AGT: variants seen among roughly 807,000 people sequenced by gnomAD.
The protein encoded by AGT is angiotensinogen.
In AGT, 26 loss-of-function variants were observed where a neutral mutation model predicts 28.1. That is an observed-to-expected ratio of 0.92 (90% CI 0.68 to 1.28). AGT has a LOEUF of 1.28. Among genes scored for constraint, AGT ranks in the 50% most tolerant of loss-of-function variants. The probability of loss-of-function intolerance (pLI) is 0.00; values close to 1 mark genes in which losing one functional copy is unlikely to be tolerated. For missense variants in AGT, 596 were observed against 592.3 expected, an observed-to-expected ratio of 1.01 and a Z score of -0.06; for synonymous variants, 259 against 259.6, an observed-to-expected ratio of 1.00 and a Z score of 0.02.
chr1:230,718,114 T>C (rs540543392), upstream of AGT, among the ~76,000 whole-genome samples: 1 of 152,242 alleles, frequency 6.6e-6, no homozygotes, highest in Admixed American at 6.5e-5. Flanking sequence ...AATTTTTTTA[T>C]TTTTATTTTT....
At position 230,709,267 on chromosome 1, in the gene AGT, G is replaced by T. The variant is rs962404869; in HGVS notation, c.829+728C>A. Among the ~76,000 whole-genome samples the T allele has an allele frequency of 5.3e-5, 8 of 152,254 alleles. No individual in the cohort carries two copies. The South Asian group carries it at 1.7e-3, about 32-fold the overall frequency. On this transcript the variant is annotated intron_variant, in intron 2 of 4. Coordinates refer to ENST00000366667, the MANE Select transcript of AGT (RefSeq NM_001384479.1). ...AATCCTCAACAAGTATTTGTTAAAT[G>T]AATGCTTTAAGCAATCTGTGGCTGG...
At chr1:230,706,296 G>A (rs975157641) in intron 2 of AGT, 96 bp from the exon 3 acceptor site, 35 of 1,406,630 alleles carry the variant, frequency 2.5e-5, no homozygotes, top group South Asian at 5.4e-5. Context: ...CCTGCCCCTC[G>A]CCCTGCCTCA....
chr1:230,709,900 GC>G (rs1224302552), intron 2 of AGT, 94 bp downstream of exon 2: 4 of 1,556,244 alleles, frequency 2.6e-6, no homozygotes, highest in Non-Finnish European at 3.5e-6. Flanking sequence ...CCGCAGGGCT[GC>G]CCCCTGCCCA....
intron 1 of AGT, among the ~76,000 whole-genome samples, chr1:230,726,463 C>T (rs1003701363): frequency 5.9e-5 from 9 of 151,778 alleles, no homozygotes; most frequent in African/African-American, 2.2e-4. Flanking sequence ...TTTTGTCATC[C>T]TAATCCTCCA....
chr1:230,727,655 T>A (rs1663969156), intron 1 of AGT, among the ~76,000 whole-genome samples: 1 of 152,194 alleles, frequency 6.6e-6, no homozygotes, highest in Admixed American at 6.5e-5. Context: ...CAGAGTTATG[T>A]CCCCTAAAAG....
intron 1 of AGT, among the ~76,000 whole-genome samples, chr1:230,725,332 A>C (rs12041561): frequency 0.16 from 24,696 of 152,092 alleles, 2,637 homozygotes; most frequent in East Asian, 0.49. Flanking sequence ...GGGCAGGCCT[A>C]GGGTGCTATT....
chr1:230,727,500 G>A (rs143631822), intron 1 of AGT, among the ~76,000 whole-genome samples: 7 of 152,070 alleles, frequency 4.6e-5, no homozygotes, highest in African/African-American at 1.7e-4. Flanking sequence ...AAATTGAGAG[G>A]GAATACTAGG....
At chr1:230,715,462 A>C (rs1024093775), upstream of AGT, among the ~76,000 whole-genome samples, 3 of 152,196 alleles carry the variant, frequency 2.0e-5, no homozygotes, top group African/African-American at 4.8e-5. Context: ...ACAGTGAGCT[A>C]TGATTGCACC....
At position 230,703,133 on chromosome 1, in the gene AGT, C is replaced by T; in HGVS notation, c.*8G>A. ...CCTTGCCAGGCACTGTGTTCTGGGGCCCTGGCCTCATGCTGTGCTCAGCGG... is the reference window on the plus strand; with the variant it reads ...CCTTGCCAGGCACTGTGTTCTGGGGTCCTGGCCTCATGCTGTGCTCAGCGG... On this transcript the variant is annotated 3_prime_UTR_variant, in exon 5 of 5. Coordinates refer to ENST00000366667, the MANE Select transcript of AGT (RefSeq NM_001384479.1). 2 of 1,613,056 alleles carry T rather than the reference C, an allele frequency of 1.2e-6. No homozygotes were observed. The highest frequency in any genetic ancestry group is 1.7e-6 in the Non-Finnish European group (2 of 1,179,980).
At chr1:230,727,894 A>T (rs1663973507) in intron 1 of AGT, among the ~76,000 whole-genome samples, 1 of 152,200 alleles carries the variant, frequency 6.6e-6, no homozygotes, top group Admixed American at 6.5e-5. Flanking sequence ...AAGACAGGGG[A>T]GTTGCAATAG....
intron 1 of AGT, among the ~76,000 whole-genome samples, chr1:230,740,266 T>C (rs1251409723): frequency 6.6e-6 from 1 of 152,184 alleles, no homozygotes; most frequent in Non-Finnish European, 1.5e-5. Flanking sequence ...ATCTTGGTTT[T>C]AGTGGGTTTT....
At chr1:230,731,497 T>C (rs1664061072) in intron 1 of AGT, among the ~76,000 whole-genome samples, 1 of 152,214 alleles carries the variant, frequency 6.6e-6, no homozygotes, top group Admixed American at 6.5e-5. Context: ...CTGCTGCCCT[T>C]CTCTCTACAG....
In AGT at chr1:230,710,460, C is replaced by T. The variant is rs781347977; in HGVS notation, c.364G>A (p.Ala122Thr). The change falls in exon 2 of 5, where the codon GCC becomes ACC. Residue 122 changes from alanine (A) to threonine (T), a missense_variant. Ala to Thr is a moderately conservative substitution (Grantham distance 58). Transcript: ENST00000366667. ...ACAGCCGTTGGGGAGAGGACGGTGG[C>T]CCCATGGACCACGCCCCATAGCTCA... Reference protein sequence around the residue: ...HSELWGVVHGATVLSPTAVFG... With the variant: ...HSELWGVVHGTTVLSPTAVFG... 2 of 1,614,216 alleles carry T rather than the reference C, an allele frequency of 1.2e-6. No individual in the cohort carries two copies. Among genetic ancestry groups the T allele is most frequent in the Non-Finnish European group, 1.7e-6 (2 of 1,180,042 alleles).
At position 230,704,084 on chromosome 1, in the gene AGT, T is replaced by C. The variant is rs1368733659; in HGVS notation, c.1242+109A>G. On this transcript the variant is annotated intron_variant, in intron 4 of 4. Coordinates refer to ENST00000366667, the MANE Select transcript of AGT (RefSeq NM_001384479.1). ...CTTTGGCCCTACTCTCCGCTCCCTC[T>C]TGCCCTGCTGGCCCCACCCATAGCC... The C allele has an allele frequency of 6.4e-6, 10 of 1,553,066 alleles. No individual in the cohort carries two copies. The Admixed American group carries it at 1.5e-4, about 24-fold the overall frequency.
intron 4 of AGT, 105 bp from the exon 5 acceptor site, chr1:230,703,434 T>G: frequency 1.7e-6 from 2 of 1,205,984 alleles, no homozygotes; most frequent in Non-Finnish European, 2.4e-6. Flanking sequence ...TGCTGTGCAC[T>G]GTCCTGGAGG....
rs3827749 is a variant in AGT at position 230,705,813 on chromosome 1, G to A, written c.1097+120C>T. 0.22 allele frequency: 296,152 copies of A among 1,347,132 alleles called. 36,820 individuals are homozygous for A. The highest frequency in any genetic ancestry group is 0.44 in the African/African-American group (30,517 of 69,220). The allele number at this position is 1,347,132 out of a possible 1,614,324, so 83.4% of individuals were successfully genotyped here. On this transcript the variant is annotated intron_variant, in intron 3 of 4. Coordinates refer to ENST00000366667, the MANE Select transcript of AGT (RefSeq NM_001384479.1). ...GCCGCCTGCCCAGCCCCGTGCCACC[G>A]CGGCCCTGCCCTGCTCTGCACCCAA...
intron 2 of AGT, among the ~76,000 whole-genome samples, chr1:230,707,989 C>T (rs1157767669): frequency 6.6e-6 from 1 of 152,190 alleles, no homozygotes; most frequent in African/African-American, 2.4e-5. Context: ...TAGTGGGACA[C>T]ATCTAGCTGC....
rs149041409 is a variant in AGT at position 230,703,443 on chromosome 1, G to A, written c.1243-114C>T. ...CCTCTGTGCTGTGCACTGTCCTGGAGGGGGACATTTTCCAGCCTGCCAGGA... is the reference window on the plus strand; with the variant it reads ...CCTCTGTGCTGTGCACTGTCCTGGAAGGGGACATTTTCCAGCCTGCCAGGA... On this transcript the variant is annotated intron_variant, in intron 4 of 4. Coordinates refer to ENST00000366667, the MANE Select transcript of AGT (RefSeq NM_001384479.1). 99 of 1,118,582 alleles carry A rather than the reference G, an allele frequency of 8.9e-5. No individual in the cohort carries two copies. In the East Asian group the frequency reaches 2.4e-3, roughly 27 times the overall value. 69.3% of individuals were successfully genotyped at this position (1,118,582 alleles called of 1,614,324 possible). A position where few individuals can be genotyped will look rare whatever the true frequency, so the allele number is the denominator to read the frequency against.
In AGT at chr1:230,703,131, G is replaced by C; in HGVS notation, c.*10C>G. The C allele has an allele frequency of 6.2e-7, 1 of 1,612,816 alleles. No homozygotes were observed. The highest frequency in any genetic ancestry group is 1.1e-5 in the South Asian group (1 of 91,026). On this transcript the variant is annotated 3_prime_UTR_variant, in exon 5 of 5. Transcript: ENST00000366667. The stretch of plus-strand genomic sequence containing the variant: ...GGCCTTGCCAGGCACTGTGTTCTGG[G>C]GCCCTGGCCTCATGCTGTGCTCAGC...
Sources: allele counts gnomAD v4.1 joint callset (sites outside exome capture counted in the v4.1 genomes callset), GRCh38; gene constraint gnomAD v4.1.1; transcripts MANE v1.5; gene names NCBI Gene and HGNC (gene_info 2026-07-23, HGNC 2026-07-21).